SEC14L1: variants seen among roughly 807,000 people sequenced by gnomAD.
SEC14L1 encodes SEC14 like lipid binding 1.
In SEC14L1, 48 loss-of-function variants were observed where a neutral mutation model predicts 85.3. The observed-to-expected ratio is 0.56, with a 90% CI of 0.45 to 0.72. The LOEUF is 0.72. Among genes scored for constraint, SEC14L1 ranks in the 30% least tolerant of loss-of-function variants. The probability of loss-of-function intolerance (pLI) is 0.00; values close to 1 mark genes in which losing one functional copy is unlikely to be tolerated. For missense variants in SEC14L1, 682 were observed against 921.4 expected (o/e 0.74, Z 3.36); for synonymous variants, 391 against 355.5 (o/e 1.10, Z -1.12).
At chr17:77,092,677 G>C (rs183427343) in intron 2 of SEC14L1, among the ~76,000 whole-genome samples, 48 of 152,150 alleles carry the variant, frequency 3.2e-4, no homozygotes, top group Admixed American at 2.9e-3. Flanking sequence ...AGCCGGGCGT[G>C]GTGGCTCACA....
At position 77,106,316 on chromosome 17, in the gene SEC14L1, A is replaced by T. The variant is rs575119567; in HGVS notation, c.-136+12969A>T. On this transcript the variant is annotated intron_variant, in intron 3 of 19. Transcript: ENST00000392476. ...TGGGAGGCTAAGGTGGGCGGATCAC[A>T]AGGTCAGGAGTTTGAGACCAGCCTG... Among the ~76,000 whole-genome samples the T allele has an allele frequency of 3.9e-5, 6 of 152,180 alleles. 1 individual carries two copies. The highest frequency in any genetic ancestry group is 1.2e-4 in the African/African-American group (5 of 41,532).
chr17:77,090,962 C>A (rs1971500269), intron 2 of SEC14L1, among the ~76,000 whole-genome samples: 1 of 149,258 alleles, frequency 6.7e-6, no homozygotes, highest in Non-Finnish European at 1.5e-5. Context: ...AGAGTGAGAC[C>A]CTGTCTCAAA....
At chr17:77,145,975 A>G (rs1598295847) in intron 3 of SEC14L1, among the ~76,000 whole-genome samples, 3 of 152,164 alleles carry the variant, frequency 2.0e-5, no homozygotes, top group South Asian at 4.1e-4. Flanking sequence ...ACTCTGTGGC[A>G]TTTCTTGTTG....
At chr17:77,120,091 C>T (rs67439757) in intron 3 of SEC14L1, among the ~76,000 whole-genome samples, 21,859 of 152,064 alleles carry the variant, frequency 0.14, 1,974 homozygotes, top group East Asian at 0.41. Flanking sequence ...TGAATCATGG[C>T]CAGGTGTGGT....
intron 3 of SEC14L1, among the ~76,000 whole-genome samples, chr17:77,109,774 A>G (rs907234288): frequency 1.3e-5 from 2 of 152,242 alleles, no homozygotes; most frequent in Non-Finnish European, 2.9e-5. Context: ...TAAAAGGAAC[A>G]AAACAGTCTA....
intron 5 of SEC14L1, 55 bp downstream of exon 5, chr17:77,191,367 ATTGT>A (rs1284138140): frequency 6.3e-7 from 1 of 1,599,338 alleles, no homozygotes; most frequent in East Asian, 2.2e-5. Context: ...GCTTCTGAGG[ATTGT>A]TTGATCACCA....
At chr17:77,104,344 A>G (rs112184857) in intron 3 of SEC14L1, among the ~76,000 whole-genome samples, 35 of 146,428 alleles carry the variant, frequency 2.4e-4, no homozygotes, top group African/African-American at 8.7e-4. Context: ...AATGGTCTCA[A>G]TCTCCTGACC....
intron 3 of SEC14L1, among the ~76,000 whole-genome samples, chr17:77,176,915 A>G (rs577745610): frequency 2.6e-5 from 4 of 152,228 alleles, no homozygotes; most frequent in African/African-American, 7.2e-5. Flanking sequence ...TAGAATCTGT[A>G]GTTTAGGTTC....
chr17:77,202,079 CTA>C (rs1432772976), intron 9 of SEC14L1, among the ~76,000 whole-genome samples: 1 of 152,184 alleles, frequency 6.6e-6, no homozygotes, highest in African/African-American at 2.4e-5. Flanking sequence ...TAGGGATACA[CTA>C]TGGCCACCAA....
chr17:77,162,617 G>T lies in SEC14L1; in HGVS notation c.63+18958G>T, dbSNP rs189355294. Among the ~76,000 whole-genome samples the T allele has an allele frequency of 2.3e-3, 343 of 152,260 alleles. 2 individuals are homozygous for T. Among genetic ancestry groups the T allele is most frequent in the Middle Eastern group, 3.4e-3 (1 of 294 alleles). On this transcript the variant is annotated intron_variant, in intron 3 of 16. Transcript: ENST00000436233. ...GGAGGCCGAGGCAGGTGGATCACCT[G>T]AGGTCGGGAGTTCGAGAGCAGCATG...
chr17:77,151,864 A>G (rs1280737597), intron 3 of SEC14L1, among the ~76,000 whole-genome samples: 1 of 152,148 alleles, frequency 6.6e-6, no homozygotes, highest in Non-Finnish European at 1.5e-5. Context: ...TCTTGCCAAT[A>G]TTTTTATCAG....
At chr17:77,179,924 G>A (rs1030854044) in intron 3 of SEC14L1, among the ~76,000 whole-genome samples, 4 of 151,998 alleles carry the variant, frequency 2.6e-5, no homozygotes, top group Non-Finnish European at 4.4e-5. Context: ...TGACCCGCCC[G>A]CCTCAGCCTC....
At chr17:77,102,090 C>T (rs183119297) in intron 3 of SEC14L1, among the ~76,000 whole-genome samples, 6 of 152,256 alleles carry the variant, frequency 3.9e-5, no homozygotes, top group Admixed American at 3.3e-4. Flanking sequence ...CAGAAAGCCT[C>T]GCCACAAAAG....
chr17:77,191,839 A>C, intron 5 of SEC14L1, among the ~76,000 whole-genome samples: 2 of 136,176 alleles, frequency 1.5e-5, no homozygotes, highest in South Asian at 2.3e-4. Context: ...TCTTGTCACC[A>C]AGGCTGAAAT....
intron 3 of SEC14L1, among the ~76,000 whole-genome samples, chr17:77,179,586 G>A (rs77606817): frequency 1.4e-3 from 207 of 152,246 alleles, no homozygotes; most frequent in Non-Finnish European, 2.4e-3. Context: ...TCAGAACCAT[G>A]GAGTTTGAGG....
At chr17:77,188,702 T>C (rs1975385423) in intron 3 of SEC14L1, among the ~76,000 whole-genome samples, 1 of 152,092 alleles carries the variant, frequency 6.6e-6, no homozygotes, top group East Asian at 1.9e-4. Flanking sequence ...CATGTTTAGG[T>C]TTTAAGAAGA....
rs1977061802 is a variant in SEC14L1 at position 77,216,174 on chromosome 17, TAGTAGGTAGG to T, written c.*2152_*2161del. ...CGTAGGTAGGGTTCGTAGGTAGGGC[TAGTAGGTAGG>T]GTTAGTAGGTAGGGCTAGTAGGTAG... On this transcript the variant is annotated 3_prime_UTR_variant, in exon 17 of 17. Coordinates refer to ENST00000436233, the MANE Select transcript of SEC14L1 (RefSeq NM_001143998.2). 1 of 735,882 alleles carries T rather than the reference TAGTAGGTAGG, an allele frequency of 1.4e-6. No individual in the cohort carries two copies. The highest frequency in any genetic ancestry group is 1.6e-6 in the Non-Finnish European group (1 of 614,634). The allele number at this position is 735,882 out of a possible 1,614,324, so 45.6% of individuals were successfully genotyped here.
At chr17:77,100,320 AC>A (rs1209417618) in intron 3 of SEC14L1, among the ~76,000 whole-genome samples, 1 of 149,052 alleles carries the variant, frequency 6.7e-6, no homozygotes, top group Non-Finnish European at 1.5e-5. Flanking sequence ...AAAGGTGCCT[AC>A]CGCCCTGCGC....
Position 77,215,094 on chromosome 17 carries a change from A to C in SEC14L1, c.*1071A>C, listed in dbSNP as rs1976972845. On this transcript the variant is annotated 3_prime_UTR_variant, in exon 17 of 17. Coordinates refer to ENST00000436233, the MANE Select transcript of SEC14L1 (RefSeq NM_001143998.2). ...GTGTGTGCATGTGCTGTGTGTGTGC[A>C]TGTGTGCATGACGGTGGGGGTGCTG... 1.0e-6 allele frequency: 1 copy of C among 985,406 alleles called. No individual in the cohort carries two copies. The highest frequency in any genetic ancestry group is 1.2e-6 in the Non-Finnish European group (1 of 830,020). 61.0% of individuals were successfully genotyped at this position (985,406 alleles called of 1,614,324 possible).
Sources: allele counts gnomAD v4.1 joint callset (sites outside exome capture counted in the v4.1 genomes callset), GRCh38; gene constraint gnomAD v4.1.1; transcripts MANE v1.5; gene names NCBI Gene and HGNC (gene_info 2026-07-23, HGNC 2026-07-21).